WWC1: variants seen among roughly 807,000 people sequenced by gnomAD.
WWC1 encodes WW and C2 domain containing 1.
In WWC1, 55 loss-of-function variants were observed where a neutral mutation model predicts 138.4. That is an observed-to-expected ratio of 0.40 (90% CI 0.32 to 0.50). The LOEUF is 0.50. Among genes scored for constraint, WWC1 ranks in the 20% least tolerant of loss-of-function variants. The pLI is 0.72. For missense variants in WWC1, 1,226 were observed against 1,420.4 expected (o/e 0.86, Z 2.20); for synonymous variants, 524 against 564.9 (o/e 0.93, Z 1.03).
chr5:168,441,448 T>G (rs534881524), intron 15 of WWC1, among the ~76,000 whole-genome samples: 10 of 152,262 alleles, frequency 6.6e-5, no homozygotes, highest in Non-Finnish European at 1.3e-4. Context: ...TTAAAAAAAT[T>G]CATAGGATAA....
At chr5:168,332,070 C>T (rs548038596) in intron 1 of WWC1, among the ~76,000 whole-genome samples, 35 of 151,750 alleles carry the variant, frequency 2.3e-4, no homozygotes, top group African/African-American at 7.3e-4. Flanking sequence ...CACTTGAACC[C>T]AGGAGGTGGA....
chr5:168,329,164 A>G (rs1407624760), intron 1 of WWC1, among the ~76,000 whole-genome samples: 3 of 152,150 alleles, frequency 2.0e-5, no homozygotes, highest in Admixed American at 1.3e-4. Context: ...GAGAGCTTCC[A>G]GGAGACCACT....
intron 19 of WWC1, among the ~76,000 whole-genome samples, chr5:168,458,592 A>C (rs1045628417): frequency 6.6e-6 from 1 of 152,184 alleles, no homozygotes; most frequent in Non-Finnish European, 1.5e-5. Context: ...ATTCATCTGA[A>C]GTGCTACCAC....
chr5:168,293,497 T>TTTCA (rs1017018008), intron 1 of WWC1, among the ~76,000 whole-genome samples: 1 of 152,172 alleles, frequency 6.6e-6, no homozygotes, highest in Non-Finnish European at 1.5e-5. Context: ...GAGCACTTAC[T>TTTCA]TTCATTCATT....
chr5:168,414,775 C>A, intron 9 of WWC1, 185 bp downstream of exon 9: 1 of 870,892 alleles, frequency 1.1e-6, no homozygotes, highest in Non-Finnish European at 1.7e-6. Context: ...TCCAGTGCGC[C>A]AGCTACCCTG....
At chr5:168,338,762 C>T (rs967764432) in intron 1 of WWC1, among the ~76,000 whole-genome samples, 1 of 152,018 alleles carries the variant, frequency 6.6e-6, no homozygotes, top group Admixed American at 6.6e-5. Flanking sequence ...CATGTTCTCA[C>T]TCATGTGGAA....
At chr5:168,468,227 C>T (rs1757459939) in intron 22 of WWC1, among the ~76,000 whole-genome samples, 1 of 152,232 alleles carries the variant, frequency 6.6e-6, no homozygotes, top group Non-Finnish European at 1.5e-5. Context: ...CTGCTCCAGC[C>T]TTTCCTCGTA....
At chr5:168,319,891 C>A (rs965652212) in intron 1 of WWC1, among the ~76,000 whole-genome samples, 20 of 152,318 alleles carry the variant, frequency 1.3e-4, no homozygotes, top group African/African-American at 4.8e-4. Flanking sequence ...GTTCCAATTT[C>A]TCCACGTCAT....
intron 9 of WWC1, chr5:168,415,604 AC>A (rs1302431607): frequency 6.6e-6 from 1 of 152,096 alleles, no homozygotes; most frequent in Non-Finnish European, 1.5e-5. Flanking sequence ...CATTTGAGAA[AC>A]CTTTTGCTGC....
intron 9 of WWC1, among the ~76,000 whole-genome samples, chr5:168,416,753 G>GA (rs1344620506): frequency 6.6e-6 from 1 of 152,030 alleles, no homozygotes; most frequent in Non-Finnish European, 1.5e-5. Context: ...GCATAATAGG[G>GA]AAAAAACAGG....
intron 2 of WWC1, among the ~76,000 whole-genome samples, chr5:168,381,483 G>T (rs1777628321): frequency 6.6e-6 from 1 of 152,178 alleles, no homozygotes; most frequent in East Asian, 1.9e-4. Context: ...TTAAACACCG[G>T]TTCTCACCTT....
chr5:168,342,761 G>A (rs1774145110), intron 1 of WWC1, among the ~76,000 whole-genome samples: 1 of 152,164 alleles, frequency 6.6e-6, no homozygotes, highest in Non-Finnish European at 1.5e-5. Flanking sequence ...GGAAACCCAT[G>A]AATGACTGGG....
chr5:168,356,076 C>T (rs765340530), intron 1 of WWC1, among the ~76,000 whole-genome samples: 3 of 152,142 alleles, frequency 2.0e-5, no homozygotes, highest in Non-Finnish European at 4.4e-5. Context: ...GCATGGGGAT[C>T]GGTTCTCCCA....
At chr5:168,323,954 G>T (rs906625194) in intron 1 of WWC1, among the ~76,000 whole-genome samples, 3 of 152,180 alleles carry the variant, frequency 2.0e-5, no homozygotes, top group African/African-American at 7.2e-5. Flanking sequence ...CATCAGAGAC[G>T]ATACAAACCA....
chr5:168,343,429 G>A (rs1183952524), intron 1 of WWC1, among the ~76,000 whole-genome samples: 1 of 152,156 alleles, frequency 6.6e-6, no homozygotes, highest in Admixed American at 6.5e-5. Flanking sequence ...CAAGATCACA[G>A]AGCTCAGGTT....
At chr5:168,455,885 C>A (rs2152886979) in intron 19 of WWC1, among the ~76,000 whole-genome samples, 1 of 152,238 alleles carries the variant, frequency 6.6e-6, no homozygotes, top group East Asian at 1.9e-4. Context: ...TTCTAGTGTA[C>A]AGCCTGAGGC....
chr5:168,438,336 G>A (rs1307836505), intron 15 of WWC1, among the ~76,000 whole-genome samples: 5 of 152,174 alleles, frequency 3.3e-5, no homozygotes, highest in Non-Finnish European at 5.9e-5. Flanking sequence ...CTGTTCTCAT[G>A]ATAGTGAGTG....
chr5:168,463,243 C>CAGA (rs1479317037), intron 20 of WWC1, among the ~76,000 whole-genome samples: 1 of 152,186 alleles, frequency 6.6e-6, no homozygotes, highest in Non-Finnish European at 1.5e-5. Flanking sequence ...CAGGCTGAAA[C>CAGA]CTCTAAGTGT....
chr5:168,375,506 A>G lies in WWC1; in HGVS notation c.229+3973A>G, dbSNP rs141532739. On this transcript the variant is annotated intron_variant, in intron 2 of 22. Transcript: ENST00000265293. ...GCAAAAGCCTGACTAGAGTGAGTCT[A>G]AAAGAAAACAGGGGAGGAATTGGAA... is the stretch of plus-strand genomic sequence containing the variant. Among the ~76,000 whole-genome samples the G allele has an allele frequency of 6.6e-5, 10 of 152,344 alleles. No homozygotes were observed. The East Asian group carries it at 7.7e-4, about 12-fold the overall frequency.
Sources: allele counts gnomAD v4.1 joint callset (sites outside exome capture counted in the v4.1 genomes callset), GRCh38; gene constraint gnomAD v4.1.1; transcripts MANE v1.5; gene names NCBI Gene and HGNC (gene_info 2026-07-23, HGNC 2026-07-21).